Variants in KLRF1 observed in about 807,000 individuals in gnomAD.
KLRF1 encodes killer cell lectin-like receptor subfamily F member 1.
KLRF1 carries 27 observed loss-of-function variants against 30.7 expected under a neutral mutation model. That is an observed-to-expected ratio of 0.88 (90% CI 0.65 to 1.21). The LOEUF (loss-of-function observed/expected upper bound fraction) is 1.21, where lower values mean the gene tolerates loss of function less well. Ranked by LOEUF, KLRF1 falls within the 50% of genes most tolerant of loss-of-function variation. KLRF1 has a pLI of 0.00. For missense variants in KLRF1, 246 were observed against 259.3 expected (o/e 0.95, Z 0.35); for synonymous variants, 92 against 89.3 (o/e 1.03, Z -0.17).
At chr12:9,842,195 T>G (rs1416916031) in intron 4 of KLRF1, 126 bp from the exon 5 acceptor site, 3 of 970,664 alleles carry the variant, frequency 3.1e-6, no homozygotes, top group Non-Finnish European at 4.5e-6. Flanking sequence ...TGTGTATAAG[T>G]AAGATATGAA....
upstream of KLRF1, among the ~76,000 whole-genome samples, chr12:9,822,569 G>A (rs74958951): frequency 0.012 from 1,808 of 152,232 alleles, 24 homozygotes; most frequent in African/African-American, 0.042. Flanking sequence ...ATACAAGCTG[G>A]CATAATAACC....
the KLRF1 span, among the ~76,000 whole-genome samples, chr12:9,813,930 C>T: frequency 2.0e-5 from 3 of 152,100 alleles, no homozygotes; most frequent in Admixed American, 6.5e-5. Flanking sequence ...AGGCGAGGTC[C>T]CACACACCTC....
In KLRF1 at chr12:9,844,421, C is replaced by G. The variant is rs1867767563; in HGVS notation, c.591C>G (p.Phe197Leu). Residue 197 changes from phenylalanine (F) to leucine (L), a missense_variant, in exon 6 of 6, where the codon TTC becomes TTG. Transcript: ENST00000617889. ...GTATTTATTCTCTCTTCCCTAGATTCTTCATAAAGGGACCAGCTAAAGAAA... is the reference window on the plus strand; with the variant it reads ...GTATTTATTCTCTCTTCCCTAGATTGTTCATAAAGGGACCAGCTAAAGAAA... ...VDGSPIDSKIFFIKGPAKENS... is the reference protein window; with the variant it reads ...VDGSPIDSKILFIKGPAKENS... The G allele has an allele frequency of 6.4e-7, 1 of 1,563,026 alleles. No homozygotes were observed.
intron 5 of KLRF1, 34 bp downstream of exon 5, chr12:9,842,467 GTT>G (rs774019546): frequency 6.3e-7 from 1 of 1,598,764 alleles, no homozygotes; most frequent in Non-Finnish European, 8.6e-7. Context: ...CTGATTTATT[GTT>G]TATTGTAGAA....
chr12:9,827,907 C>A (rs1398269020), intron 1 of KLRF1, among the ~76,000 whole-genome samples: 1 of 152,298 alleles, frequency 6.6e-6, no homozygotes, highest in South Asian at 2.1e-4. Flanking sequence ...TAATCTCTCT[C>A]TCTCCCATTT....
upstream of KLRF1, among the ~76,000 whole-genome samples, chr12:9,823,441 G>C (rs1867248952): frequency 6.6e-6 from 1 of 152,120 alleles, no homozygotes; most frequent in South Asian, 2.1e-4. Context: ...TGAAACTCAT[G>C]AGAACAAAGA....
chr12:9,820,105 T>C, the KLRF1 span, among the ~76,000 whole-genome samples: 1 of 152,202 alleles, frequency 6.6e-6, no homozygotes, highest in Non-Finnish European at 1.5e-5. Context: ...TTCTCCTCAC[T>C]GGGTGTGACC....
intron 1 of KLRF1, among the ~76,000 whole-genome samples, chr12:9,831,004 T>C (rs890212041): frequency 1.3e-5 from 2 of 152,018 alleles, no homozygotes; most frequent in African/African-American, 4.8e-5. Flanking sequence ...GGAGTCTCGC[T>C]CTGTCGCCCA....
intron 1 of KLRF1, among the ~76,000 whole-genome samples, chr12:9,830,247 A>G (rs1170150739): frequency 6.6e-6 from 1 of 152,030 alleles, no homozygotes; most frequent in Non-Finnish European, 1.5e-5. Flanking sequence ...CAGGGCACTG[A>G]TTTTAGTATG....
In KLRF1 at chr12:9,841,839, A is replaced by T; in HGVS notation, c.362A>T (p.Tyr121Phe). The T allele has an allele frequency of 6.2e-7, 1 of 1,608,678 alleles. No individual in the cohort carries two copies. The highest frequency in any genetic ancestry group is 8.5e-7 in the Non-Finnish European group (1 of 1,175,754). ...CTATGCCAATCAGAATGGCTCAAAT[A>T]CCAAGGGAAGTGTTATTGGTTCTCT... is the stretch of plus-strand genomic sequence containing the variant. Reference protein sequence around the residue: ...TVLCQSEWLKYQGKCYWFSNE... With the variant: ...TVLCQSEWLKFQGKCYWFSNE... Residue 121 changes from tyrosine (Y) to phenylalanine (F), a missense_variant, in exon 4 of 6, where the codon TAC becomes TTC. Coordinates refer to ENST00000617889, the MANE Select transcript of KLRF1 (RefSeq NM_016523.3).
chr12:9,844,294 A>C (rs1867764584), intron 5 of KLRF1, 124 bp from the exon 6 acceptor site: 1 of 583,890 alleles, frequency 1.7e-6, no homozygotes, highest in South Asian at 1.9e-5. Context: ...TAGTGAATCC[A>C]AGTATGTAAA....
At chr12:9,807,453 G>A in the KLRF1 span, among the ~76,000 whole-genome samples, 1 of 151,938 alleles carries the variant, frequency 6.6e-6, no homozygotes. Context: ...CAATATAAGT[G>A]TTTCTCTCAT....
chr12:9,812,107 T>G, the KLRF1 span, among the ~76,000 whole-genome samples: 1 of 152,290 alleles, frequency 6.6e-6, no homozygotes, highest in Middle Eastern at 3.4e-3. Flanking sequence ...GGCTCACGCC[T>G]GTAATCCCAG....
At chr12:9,811,402 C>T in the KLRF1 span, among the ~76,000 whole-genome samples, 27 of 149,974 alleles carry the variant, frequency 1.8e-4, no homozygotes, top group East Asian at 3.9e-3. Context: ...ATCTTTATTC[C>T]GTGTTTATTT....
At chr12:9,821,063 G>GTTCTATCCCTGCTA in the KLRF1 span, among the ~76,000 whole-genome samples, 2 of 152,068 alleles carry the variant, frequency 1.3e-5, no homozygotes, top group South Asian at 4.1e-4. Context: ...GATAGAAACA[G>GTTCTATCCCTGCTA]TTCTATCCCT....
At chr12:9,831,867 A>G (rs1867436018) in intron 1 of KLRF1, among the ~76,000 whole-genome samples, 1 of 152,188 alleles carries the variant, frequency 6.6e-6, no homozygotes, top group South Asian at 2.1e-4. Flanking sequence ...ACCTAAAGCC[A>G]TATTTAGTTC....
chr12:9,809,291 T>C, the KLRF1 span, among the ~76,000 whole-genome samples: 1 of 152,136 alleles, frequency 6.6e-6, no homozygotes, highest in African/African-American at 2.4e-5. Context: ...TACAAATATA[T>C]CTAAAAAGAA....
intron 2 of KLRF1, among the ~76,000 whole-genome samples, chr12:9,832,687 G>A (rs200230617): frequency 1.4e-4 from 19 of 132,778 alleles, no homozygotes; most frequent in Non-Finnish European, 2.4e-4. Context: ...GTGTGTGTGT[G>A]TATGTGTGTG....
chr12:9,808,428 C>T, the KLRF1 span, among the ~76,000 whole-genome samples: 840 of 151,764 alleles, frequency 5.5e-3, 8 homozygotes, highest in African/African-American at 0.019. Context: ...GAACTTATGC[C>T]CTAGTTGTAA....
Sources: gnomAD v4.1 joint callset for allele counts (sites outside exome capture counted in the v4.1 genomes callset) on GRCh38, gnomAD v4.1.1 for gene constraint, MANE v1.5 for transcripts, NCBI Gene and HGNC (gene_info 2026-07-23, HGNC 2026-07-21) for gene names.